The following MINK1 variants were observed in gnomAD, a reference collection of about 807,000 sequenced individuals.
The protein encoded by MINK1 is misshapen-like kinase 1.
Under a neutral mutation model 178.4 loss-of-function variants are expected in MINK1, and 46 were observed. The ratio of observed to expected loss-of-function variants is 0.26; its 90% CI spans 0.20 to 0.33. The LOEUF (loss-of-function observed/expected upper bound fraction) is 0.33. Ranked by LOEUF, MINK1 falls within the 10% of genes least tolerant of loss-of-function variation. MINK1 has a pLI of 1.00. For missense variants in MINK1, 1,366 were observed against 1,814.9 expected, an observed-to-expected ratio of 0.75 and a Z score of 4.49; for synonymous variants, 797 against 709.7, an observed-to-expected ratio of 1.12 and a Z score of -1.96.
chr17:4,869,699 C>T (rs1239745026), intron 1 of MINK1, among the ~76,000 whole-genome samples: 1 of 151,416 alleles, frequency 6.6e-6, no homozygotes, highest in Non-Finnish European at 1.5e-5. Context: ...TTTAGATTCC[C>T]ACCAAAAGTG....
chr17:4,852,062 A>G (rs1416241635), intron 1 of MINK1, among the ~76,000 whole-genome samples: 2 of 151,716 alleles, frequency 1.3e-5, no homozygotes, highest in Non-Finnish European at 2.9e-5. Flanking sequence ...AACATTTACC[A>G]AGCATATAAA....
Position 4,897,391 on chromosome 17 carries a change from T to G in MINK1, c.*104T>G. On this transcript the variant is annotated 3_prime_UTR_variant, in exon 32 of 32. Coordinates refer to ENST00000355280, the MANE Select transcript of MINK1 (RefSeq NM_153827.5). ...CCCCTCCCTGGGCTTTTGCTTTTAC[T>G]GGTTTGATTTCACTGGAGCCTGCTG... 2 of 1,060,586 alleles carry G rather than the reference T, an allele frequency of 1.9e-6. No individual in the cohort carries two copies. The highest frequency in any genetic ancestry group is 2.8e-6 in the Non-Finnish European group (2 of 714,578). 65.7% of individuals were successfully genotyped at this position (1,060,586 alleles called of 1,614,324 possible).
rs531656174 is a variant in MINK1 at position 4,866,047 on chromosome 17, G to A, written c.58-12270G>A. The stretch of plus-strand genomic sequence containing the variant: ...AGAACATAAACACCAGTAAGGTAGG[G>A]ACTGCTTCAGTTACTCACTGTTCTA... On this transcript the variant is annotated intron_variant, in intron 1 of 31. Transcript: ENST00000355280. 9.2e-5 allele frequency among the ~76,000 whole-genome samples: 14 copies of A among 152,260 alleles called. 1 individual carries two copies. The South Asian group carries it at 2.1e-3, about 23-fold the overall frequency.
At chr17:4,849,172 T>C (rs1214306457) in intron 1 of MINK1, among the ~76,000 whole-genome samples, 1 of 151,828 alleles carries the variant, frequency 6.6e-6, no homozygotes. Context: ...CCAGCGTCAC[T>C]GCAAGGAAGA....
chr17:4,875,985 C>T (rs925966644), intron 1 of MINK1, among the ~76,000 whole-genome samples: 12 of 151,810 alleles, frequency 7.9e-5, no homozygotes, highest in Non-Finnish European at 1.5e-4. Flanking sequence ...TTAGTAGAGA[C>T]GGGGTTTCAC....
chr17:4,893,793 C>G, intron 21 of MINK1, 195 bp from the exon 22 acceptor site: 1 of 948,352 alleles, frequency 1.1e-6, no homozygotes, highest in East Asian at 2.7e-5. Context: ...AAGTGCCTGT[C>G]TGCCCCTGTG....
At chr17:4,839,165 G>C (rs542106059) in intron 1 of MINK1, among the ~76,000 whole-genome samples, 5 of 152,080 alleles carry the variant, frequency 3.3e-5, no homozygotes, top group Admixed American at 1.3e-4. Context: ...GGATGGTCTT[G>C]ATCTCCTGAC....
At chr17:4,868,852 C>T in intron 1 of MINK1, 1 of 339,212 alleles carries the variant, frequency 2.9e-6, no homozygotes, top group Non-Finnish European at 6.1e-6. Context: ...CAGGCTCAAG[C>T]AGTCCTCCCA....
chr17:4,868,796 A>G, intron 1 of MINK1: 1 of 308,318 alleles, frequency 3.2e-6, no homozygotes, highest in Non-Finnish European at 6.8e-6. Context: ...CCCAGGTTGG[A>G]GCGCAGTGGC....
chr17:4,847,912 TG>T lies in MINK1; in HGVS notation c.57+14274del, dbSNP rs1292682570. Among the ~76,000 whole-genome samples the T allele has an allele frequency of 2.0e-5, 3 of 152,058 alleles. No individual in the cohort carries two copies. In the East Asian group the frequency reaches 5.8e-4, roughly 29 times the overall value. On this transcript the variant is annotated intron_variant, in intron 1 of 31. Transcript: ENST00000355280. Reference sequence around the variant, plus strand: ...AGAAAAAGGTCTGGGCCCAGTACAGTGGCTCATGCTTGTACTCCCAGCACTT... The same window carrying T: ...AGAAAAAGGTCTGGGCCCAGTACAGTGCTCATGCTTGTACTCCCAGCACTT...
At position 4,836,689 on chromosome 17, in the gene MINK1, G is replaced by C. The variant is rs1567550034; in HGVS notation, c.57+3049G>C. ...CCCAGCACACAGTGATCATATATGT[G>C]ATAGCCCTTTTTGCAGTTATTTTTA... is the stretch of plus-strand genomic sequence containing the variant. On this transcript the variant is annotated intron_variant, in intron 1 of 31. Coordinates refer to ENST00000355280, the MANE Select transcript of MINK1 (RefSeq NM_153827.5). The surrounding 1 kb of genome is among the most constrained non-coding windows in gnomAD (Gnocchi z 4.3). Among the ~76,000 whole-genome samples the C allele has an allele frequency of 6.6e-6, 1 of 152,158 alleles. No individual in the cohort carries two copies. Among genetic ancestry groups the C allele is most frequent in the Non-Finnish European group, 1.5e-5 (1 of 68,034 alleles).
chr17:4,834,213 C>A (rs1296951573), intron 1 of MINK1, among the ~76,000 whole-genome samples: 1 of 152,182 alleles, frequency 6.6e-6, no homozygotes, highest in South Asian at 2.1e-4. Context: ...TTTCCCTATC[C>A]CTTCTCTCCT....
Position 4,885,672 on chromosome 17 carries a change from C to A in MINK1, c.639+59C>A. On this transcript the variant is annotated intron_variant, in intron 7 of 31. Transcript: ENST00000355280. The surrounding 1 kb of genome is among the most constrained non-coding windows in gnomAD (Gnocchi z 5.0). Reference sequence around the variant, plus strand: ...CCAAGGGCGGGAAGCAATATGGGGACCACGGGGCCTGAGCAGGCTGGGGAA... The same window carrying A: ...CCAAGGGCGGGAAGCAATATGGGGAACACGGGGCCTGAGCAGGCTGGGGAA... The A allele has an allele frequency of 6.2e-7, 1 of 1,603,562 alleles. No individual in the cohort carries two copies. Among genetic ancestry groups the A allele is most frequent in the Admixed American group, 1.7e-5 (1 of 59,454 alleles).
chr17:4,884,873 C>T, intron 5 of MINK1, 39 bp from the exon 6 acceptor site: 1 of 1,583,940 alleles, frequency 6.3e-7, no homozygotes, highest in Non-Finnish European at 8.7e-7. Flanking sequence ...CCTACCCCAT[C>T]CAACACCATG....
Position 4,894,151 on chromosome 17 carries a change from C to G in MINK1, c.2671-23C>G. The G allele has an allele frequency of 6.2e-7, 1 of 1,612,932 alleles. No homozygotes were observed. Among genetic ancestry groups the G allele is most frequent in the Non-Finnish European group, 8.5e-7 (1 of 1,179,366 alleles). The stretch of plus-strand genomic sequence containing the variant: ...GTGTGTGCCCTCCTCAGCCCCACGC[C>G]AACCCTGCCCTCTGTCCTGTAGACC... On this transcript the variant is annotated intron_variant, in intron 22 of 31. Transcript: ENST00000355280. This position sits in a 1 kb window ranked among gnomAD's most constrained non-coding sequence, Gnocchi z 4.1.
chr17:4,840,527 A>G (rs1910052242), intron 1 of MINK1, among the ~76,000 whole-genome samples: 1 of 152,080 alleles, frequency 6.6e-6, no homozygotes, highest in Non-Finnish European at 1.5e-5. Flanking sequence ...GGCTCCTCAG[A>G]ATGGGGTATA....
intron 1 of MINK1, among the ~76,000 whole-genome samples, chr17:4,878,055 C>G (rs1447591017): frequency 6.6e-6 from 1 of 152,132 alleles, no homozygotes; most frequent in East Asian, 1.9e-4. Context: ...CGTGATCCAC[C>G]TGCCTCGGCC....
chr17:4,864,993 T>C (rs1393271305), intron 1 of MINK1, among the ~76,000 whole-genome samples: 3 of 152,220 alleles, frequency 2.0e-5, no homozygotes, highest in Non-Finnish European at 4.4e-5. Context: ...AGACCAGAGC[T>C]CTTTCCACGA....
rs554606277 is a variant in MINK1 at position 4,839,402 on chromosome 17, C to T, written c.57+5762C>T. Among the ~76,000 whole-genome samples, 89 of 152,328 alleles carry T rather than the reference C, an allele frequency of 5.8e-4. No homozygotes were observed. The South Asian group carries it at 0.018, about 30-fold the overall frequency. ...GTCTTCAGCCCCACTCCCTTCGACA[C>T]CTACTTTTTACTACTATCTGTCTCA... On this transcript the variant is annotated intron_variant, in intron 1 of 31. Transcript: ENST00000355280.
Sources: gnomAD v4.1 joint callset for allele counts (sites outside exome capture counted in the v4.1 genomes callset) on GRCh38, gnomAD v4.1.1 for gene constraint, Gnocchi (gnomAD v3.1) non-coding constraint, MANE v1.5 for transcripts, NCBI Gene and HGNC (gene_info 2026-07-23, HGNC 2026-07-21) for gene names.